RBFOX1: variants seen among roughly 807,000 people sequenced by gnomAD.
The protein encoded by RBFOX1 is RNA binding fox-1 homolog 1.
In RBFOX1, 8 loss-of-function variants were observed where a neutral mutation model predicts 57.7. That is an observed-to-expected ratio of 0.14 (90% CI 0.08 to 0.25). The LOEUF is 0.25. Among genes scored for constraint, RBFOX1 ranks in the 10% least tolerant of loss-of-function variants. The pLI is 1.00. For missense variants in RBFOX1, 611 were observed against 548.5 expected (o/e 1.11, Z -1.14); for synonymous variants, 326 against 222.4 (o/e 1.47, Z -4.15).
intron 3 of RBFOX1, among the ~76,000 whole-genome samples, chr16:7,020,876 C>G (rs868402342): frequency 6.6e-6 from 1 of 152,166 alleles, no homozygotes; most frequent in East Asian, 1.9e-4. Flanking sequence ...CCTGTAATCC[C>G]AGAACTTTGC....
At chr16:7,348,749 C>G (rs891558576) in intron 4 of RBFOX1, among the ~76,000 whole-genome samples, 21 of 152,292 alleles carry the variant, frequency 1.4e-4, no homozygotes, top group Admixed American at 2.6e-4. Context: ...CAAGACCACC[C>G]TGGCCAACAT....
In RBFOX1 at chr16:7,292,211, T is replaced by C. The variant is rs1239018285; in HGVS notation, c.28-225936T>C. On this transcript the variant is annotated intron_variant, in intron 4 of 15. Transcript: ENST00000550418. The stretch of plus-strand genomic sequence containing the variant: ...GATATAGAACGTATTATATATCATA[T>C]ATATGATATATGATATAGAACGTAT... Among the ~76,000 whole-genome samples, 20 of 122,302 alleles carry C rather than the reference T, an allele frequency of 1.6e-4. No homozygotes were observed. In the East Asian group the frequency reaches 3.2e-3, roughly 20 times the overall value. 80.2% of individuals were successfully genotyped at this position (122,302 alleles called of 152,430 possible).
intron 3 of RBFOX1, among the ~76,000 whole-genome samples, chr16:6,855,652 C>CAAAA (rs71147612): frequency 0.011 from 1,443 of 128,906 alleles, 34 homozygotes; most frequent in African/African-American, 0.041. Context: ...GACTCCATCT[C>CAAAA]AAAAAAAAAA....
intron 2 of RBFOX1, among the ~76,000 whole-genome samples, chr16:6,532,658 GCA>G (rs768974983): frequency 1.7e-4 from 26 of 152,168 alleles, no homozygotes; most frequent in Admixed American, 1.4e-3. Context: ...TCCTGCACAT[GCA>G]CACTCTGGAC....
At chr16:7,189,812 C>T (rs1246241901) in intron 4 of RBFOX1, among the ~76,000 whole-genome samples, 2 of 152,182 alleles carry the variant, frequency 1.3e-5, no homozygotes, top group South Asian at 2.1e-4. Context: ...TCTTTCTTTC[C>T]TCCAGCTTTC....
chr16:7,498,690 C>T (rs954454823), intron 4 of RBFOX1, among the ~76,000 whole-genome samples: 3 of 152,100 alleles, frequency 2.0e-5, no homozygotes, highest in Admixed American at 6.6e-5. Context: ...GTACAGTACG[C>T]GTCATTTCAG....
intron 1 of RBFOX1, among the ~76,000 whole-genome samples, chr16:6,196,344 C>G (rs991167306): frequency 1.3e-5 from 2 of 152,134 alleles, no homozygotes; most frequent in Admixed American, 1.3e-4. Context: ...AGCGAGTGAC[C>G]TAACAGGGCT....
intron 2 of RBFOX1, among the ~76,000 whole-genome samples, chr16:6,328,480 A>C (rs915498362): frequency 1.3e-5 from 2 of 152,108 alleles, no homozygotes; most frequent in Non-Finnish European, 2.9e-5. Flanking sequence ...AGCTAGGATT[A>C]TTTTTGGGTG....
At chr16:5,592,226 T>A (rs2047031864) in intron 2 of RBFOX1, among the ~76,000 whole-genome samples, 1 of 152,182 alleles carries the variant, frequency 6.6e-6, no homozygotes, top group Non-Finnish European at 1.5e-5. Context: ...AAGCTCTTTA[T>A]AAATGATGTT....
intron 3 of RBFOX1, among the ~76,000 whole-genome samples, chr16:5,760,528 G>T (rs2053558217): frequency 6.6e-6 from 1 of 152,078 alleles, no homozygotes; most frequent in African/African-American, 2.4e-5. Context: ...CAGAGGAGAA[G>T]ATAAACAAAT....
At chr16:7,028,398 C>T (rs2041614825) in intron 3 of RBFOX1, among the ~76,000 whole-genome samples, 2 of 151,772 alleles carry the variant, frequency 1.3e-5, no homozygotes, top group Admixed American at 6.6e-5. Flanking sequence ...TCATCTTGGG[C>T]TCTGCATGGA....
At chr16:7,120,814 T>TA (rs1312177513) in intron 4 of RBFOX1, among the ~76,000 whole-genome samples, 9 of 31,080 alleles carry the variant, frequency 2.9e-4, no homozygotes, top group South Asian at 2.2e-3. Flanking sequence ...TATGTAATAT[T>TA]TTATATATGT....
chr16:6,158,928 A>G (rs2096857692), intron 1 of RBFOX1, among the ~76,000 whole-genome samples: 1 of 149,622 alleles, frequency 6.7e-6, no homozygotes, highest in Non-Finnish European at 1.5e-5. Flanking sequence ...TTTTTGAGAC[A>G]GTCTCTCTCT....
intron 4 of RBFOX1, among the ~76,000 whole-genome samples, chr16:5,876,236 G>T (rs367641557): frequency 8.9e-4 from 136 of 152,252 alleles, no homozygotes; most frequent in African/African-American, 2.9e-3. Flanking sequence ...ACCTGAGTCT[G>T]TGCCAGCCAG....
intron 4 of RBFOX1, among the ~76,000 whole-genome samples, chr16:7,373,527 C>T (rs1216277504): frequency 6.6e-6 from 1 of 152,120 alleles, no homozygotes; most frequent in Admixed American, 6.5e-5. Context: ...AAATGCTGGA[C>T]TGTGAACAGG....
intron 4 of RBFOX1, among the ~76,000 whole-genome samples, chr16:7,368,142 C>G (rs551034415): frequency 2.6e-5 from 4 of 151,856 alleles, no homozygotes; most frequent in Admixed American, 2.6e-4. Flanking sequence ...TGGCACACAC[C>G]AGTAGTCCCA....
chr16:5,333,046 G>A (rs1346626698), intron 1 of RBFOX1, among the ~76,000 whole-genome samples: 1 of 152,034 alleles, frequency 6.6e-6, no homozygotes, highest in African/African-American at 2.4e-5. Flanking sequence ...AAATTAGCCG[G>A]GTGTGGTGGT....
intron 2 of RBFOX1, among the ~76,000 whole-genome samples, chr16:6,480,532 A>G (rs2095356707): frequency 6.6e-6 from 1 of 152,260 alleles, no homozygotes; most frequent in Non-Finnish European, 1.5e-5. Context: ...TATTTAAAGT[A>G]TCAAAACCAT....
chr16:5,924,543 G>A (rs956527125), intron 4 of RBFOX1, among the ~76,000 whole-genome samples: 2 of 152,082 alleles, frequency 1.3e-5, no homozygotes, highest in African/African-American at 4.8e-5. Flanking sequence ...CTCTTGCCCT[G>A]TGATCTCTGT....
Sources: gnomAD v4.1 joint callset for allele counts (sites outside exome capture counted in the v4.1 genomes callset) on GRCh38, gnomAD v4.1.1 for gene constraint, MANE v1.5 for transcripts, NCBI Gene and HGNC (gene_info 2026-07-23, HGNC 2026-07-21) for gene names.